LDLRAD3: variants seen among roughly 807,000 people sequenced by gnomAD.
LDLRAD3 encodes low density lipoprotein receptor class A domain containing 3.
A neutral mutation model predicts 29.4 loss-of-function variants in LDLRAD3; 20 were observed. The observed-to-expected ratio is 0.68, with a 90% confidence interval of 0.48 to 0.99. LDLRAD3 has a LOEUF of 0.99. LDLRAD3 is among the 50% of genes least tolerant of loss of function. The probability of loss-of-function intolerance (pLI) is 0.00; values close to 1 mark genes in which losing one functional copy is unlikely to be tolerated. For synonymous variants in LDLRAD3, 157 were observed against 192.7 expected, an observed-to-expected ratio of 0.81 and a Z score of 1.53; for missense variants, 420 against 454.3, an observed-to-expected ratio of 0.92 and a Z score of 0.69.
chr11:36,127,359 T>C (rs1301938352), intron 4 of LDLRAD3, among the ~76,000 whole-genome samples: 1 of 152,228 alleles, frequency 6.6e-6, no homozygotes, highest in African/African-American at 2.4e-5. Flanking sequence ...AAGGTGTTTT[T>C]CACTTATATA....
chr11:36,221,004 A>G (rs1032508955), intron 4 of LDLRAD3, among the ~76,000 whole-genome samples: 3 of 152,160 alleles, frequency 2.0e-5, no homozygotes, highest in Non-Finnish European at 2.9e-5. Context: ...GATGAGGAAG[A>G]GTCAGTTTGA....
At chr11:36,169,176 G>A (rs188837000) in intron 4 of LDLRAD3, among the ~76,000 whole-genome samples, 205 of 152,248 alleles carry the variant, frequency 1.3e-3, no homozygotes, top group Admixed American at 3.9e-3. Flanking sequence ...GATACATAAT[G>A]ATTGTAGTGT....
Position 36,068,897 on chromosome 11 carries a change from G to A in LDLRAD3, c.194-12756G>A, listed in dbSNP as rs2036253. On this transcript the variant is annotated intron_variant, in intron 2 of 5. Coordinates refer to ENST00000315571, the MANE Select transcript of LDLRAD3 (RefSeq NM_174902.4). ...TAGACCTCCTCTTCTCAGCATAAAA[G>A]AGAAGAGTTTTGGAAAGAATTTTCT... 7.6e-3 allele frequency among the ~76,000 whole-genome samples: 1,165 copies of A among 152,314 alleles called. 49 individuals are homozygous for A. Among genetic ancestry groups the A allele is most frequent in the Admixed American group, 0.07 (1,072 of 15,294 alleles).
At chr11:36,216,383 T>C (rs1029708074) in intron 4 of LDLRAD3, among the ~76,000 whole-genome samples, 1 of 152,152 alleles carries the variant, frequency 6.6e-6, no homozygotes, top group African/African-American at 2.4e-5. Flanking sequence ...TCATGAAGAG[T>C]CACAGTGGAC....
chr11:36,017,410 T>G (rs764154690), intron 1 of LDLRAD3, among the ~76,000 whole-genome samples: 1 of 152,246 alleles, frequency 6.6e-6, no homozygotes, highest in Non-Finnish European at 1.5e-5. Flanking sequence ...AAAAAACTGT[T>G]GCCATGACCT....
At chr11:35,949,752 C>T (rs920787866) in intron 1 of LDLRAD3, among the ~76,000 whole-genome samples, 2 of 152,206 alleles carry the variant, frequency 1.3e-5, no homozygotes, top group African/African-American at 4.8e-5. Context: ...TTCCACCTCT[C>T]TTCAGACTAG....
At chr11:36,166,197 T>C (rs1195113315) in intron 4 of LDLRAD3, among the ~76,000 whole-genome samples, 1 of 152,166 alleles carries the variant, frequency 6.6e-6, no homozygotes, top group Non-Finnish European at 1.5e-5. Context: ...GGGGGAAATA[T>C]TTGATTTCTT....
rs1462583156 is a variant in LDLRAD3 at position 36,229,150 on chromosome 11, C to G, written c.801-10C>G. The G allele has an allele frequency of 6.2e-7, 1 of 1,600,546 alleles. No homozygotes were observed. Among genetic ancestry groups the G allele is most frequent in the Non-Finnish European group, 8.6e-7 (1 of 1,167,912 alleles). ...CCATTGCCCCTGCCCCCCTGCTGTC[C>G]CCATCACAGGCCTGCGTGGTATGAC... On this transcript the variant is annotated splice_polypyrimidine_tract_variant and intron_variant, in intron 5 of 5. Coordinates refer to ENST00000315571, the MANE Select transcript of LDLRAD3 (RefSeq NM_174902.4).
chr11:36,226,614 A>C (rs999448523), intron 4 of LDLRAD3, among the ~76,000 whole-genome samples: 4 of 152,236 alleles, frequency 2.6e-5, no homozygotes, highest in African/African-American at 9.6e-5. Flanking sequence ...CAATTTGTGC[A>C]ACCATCACCA....
chr11:36,023,149 T>C (rs1435829036), intron 1 of LDLRAD3, among the ~76,000 whole-genome samples: 3 of 152,334 alleles, frequency 2.0e-5, no homozygotes, highest in East Asian at 3.9e-4. Flanking sequence ...CCCTCTTTGC[T>C]TGACGGAAAC....
At position 36,209,353 on chromosome 11, in the gene LDLRAD3, C is replaced by CTTTTTTTT. The variant is rs71044560; in HGVS notation, c.455-17715_455-17708dup. ...AGATGAAGGATTTGCAGAAACTGTA[C>CTTTTTTTT]TTTTTTTTTTTTTTTTTTTTTTTTG... On this transcript the variant is annotated intron_variant, in intron 4 of 5. Transcript: ENST00000315571. Among the ~76,000 whole-genome samples the CTTTTTTTT allele has an allele frequency of 5.8e-4, 40 of 68,598 alleles. 1 individual carries two copies. The highest frequency in any genetic ancestry group is 7.0e-4 in the Non-Finnish European group (26 of 37,002). 45.0% of individuals were successfully genotyped at this position (68,598 alleles called of 152,430 possible).
chr11:36,075,661 G>A (rs1295376831), intron 2 of LDLRAD3, among the ~76,000 whole-genome samples: 2 of 152,152 alleles, frequency 1.3e-5, no homozygotes, highest in African/African-American at 4.8e-5. Flanking sequence ...CTGCTTCGTG[G>A]TGACTTTCTG....
At chr11:36,191,574 CTCTATA>C (rs1316919016) in intron 4 of LDLRAD3, among the ~76,000 whole-genome samples, 11 of 67,854 alleles carry the variant, frequency 1.6e-4, no homozygotes, top group African/African-American at 2.1e-4. Flanking sequence ...CTCTCTCTCT[CTCTATA>C]TATATATATA....
At position 36,036,337 on chromosome 11, in the gene LDLRAD3, ACT is replaced by A. The variant is rs566596281; in HGVS notation, c.193+91_193+92del. On this transcript the variant is annotated intron_variant, in intron 2 of 5. Coordinates refer to ENST00000315571, the MANE Select transcript of LDLRAD3 (RefSeq NM_174902.4). ...TCCTGAGCAGGCTTAGACCCTGCAC[ACT>A]CTGCTTGCTGCAAGCTGGTGGTTTT... 5,151 of 1,472,170 alleles carry A rather than the reference ACT, an allele frequency of 3.5e-3. 15 individuals carry two copies. The highest frequency in any genetic ancestry group is 4.1e-3 in the Non-Finnish European group (4,403 of 1,075,072). 91.2% of individuals were successfully genotyped at this position (1,472,170 alleles called of 1,614,324 possible).
intron 4 of LDLRAD3, among the ~76,000 whole-genome samples, chr11:36,193,341 A>G (rs545560135): frequency 1.3e-5 from 2 of 152,066 alleles, no homozygotes; most frequent in African/African-American, 2.4e-5. Context: ...CTGGCCACCA[A>G]AATAGCTTAT....
intron 1 of LDLRAD3, among the ~76,000 whole-genome samples, chr11:35,999,489 T>C (rs1035843754): frequency 5.9e-5 from 9 of 152,118 alleles, no homozygotes; most frequent in African/African-American, 2.2e-4. Context: ...TCCTCATCTC[T>C]CCTGCTGCCT....
intron 3 of LDLRAD3, among the ~76,000 whole-genome samples, chr11:36,090,911 C>T (rs1340000060): frequency 1.3e-5 from 2 of 152,078 alleles, no homozygotes; most frequent in Non-Finnish European, 2.9e-5. Flanking sequence ...GTTGAGCAGA[C>T]TTAGGAAGGA....
chr11:35,973,026 CT>C (rs1851433441), intron 1 of LDLRAD3, among the ~76,000 whole-genome samples: 1 of 142,874 alleles, frequency 7.0e-6, no homozygotes, highest in South Asian at 2.2e-4. Context: ...GCACTCCAGC[CT>C]GGGCAACAGA....
chr11:36,161,552 T>A (rs1334629621), intron 4 of LDLRAD3, among the ~76,000 whole-genome samples: 2 of 152,000 alleles, frequency 1.3e-5, no homozygotes, highest in Non-Finnish European at 2.9e-5. Flanking sequence ...CCTTGTGGAG[T>A]CTACATTCTG....
Sources: gnomAD v4.1 joint callset for allele counts (sites outside exome capture counted in the v4.1 genomes callset) on GRCh38, gnomAD v4.1.1 for gene constraint, MANE v1.5 for transcripts, NCBI Gene and HGNC (gene_info 2026-07-23, HGNC 2026-07-21) for gene names.